The following CTDP1 variants were observed in gnomAD, a reference collection of about 807,000 sequenced individuals.
CTDP1 encodes the protein CTD phosphatase 1.
A neutral mutation model predicts 91.8 loss-of-function variants in CTDP1; 47 were observed. That is an observed-to-expected ratio of 0.51 (90% confidence interval 0.41 to 0.65). The LOEUF (loss-of-function observed/expected upper bound fraction) is 0.65. Among genes scored for constraint, CTDP1 ranks in the 30% least tolerant of loss-of-function variants. The pLI is 0.00. For missense variants in CTDP1, 1,272 were observed against 1,373.7 expected, an observed-to-expected ratio of 0.93 and a Z score of 1.17; for synonymous variants, 656 against 598.5, an observed-to-expected ratio of 1.10 and a Z score of -1.40.
intron 12 of CTDP1, among the ~76,000 whole-genome samples, chr18:79,745,455 C>G (rs866132352): frequency 8.9e-4 from 1 of 1,120 alleles, no homozygotes; most frequent in Admixed American, 7.9e-3. Flanking sequence ...CGCGTTCTGT[C>G]CCCGCGTCCC....
intron 3 of CTDP1, among the ~76,000 whole-genome samples, chr18:79,697,381 C>T (rs1271780120): frequency 4.6e-5 from 7 of 152,292 alleles, no homozygotes; most frequent in South Asian, 2.1e-4. Flanking sequence ...AGGGACACCC[C>T]GATGCGCTGT....
intron 6 of CTDP1, among the ~76,000 whole-genome samples, 175 bp downstream of exon 6, chr18:79,710,611 C>T (rs1020406468): frequency 6.6e-6 from 1 of 151,654 alleles, no homozygotes; most frequent in Non-Finnish European, 1.5e-5. Context: ...AGCTCTGCTT[C>T]CAGAGTTCAC....
At chr18:79,732,481 A>G (rs1266748937) in intron 11 of CTDP1, among the ~76,000 whole-genome samples, 3 of 98,402 alleles carry the variant, frequency 3.0e-5, no homozygotes, top group African/African-American at 1.2e-4. Context: ...CACGTGAGAC[A>G]TGAGAACTCA....
Position 79,714,884 on chromosome 18 carries a change from A to T in CTDP1, c.1424A>T (p.Asp475Val). The change falls in exon 8 of 13, where the codon GAT (aspartate) becomes GTT (valine). Residue 475 changes from aspartate (D) to valine (V), a missense_variant. Asp to Val is a radical substitution (Grantham distance 152). Coordinates refer to ENST00000613122, the MANE Select transcript of CTDP1 (RefSeq NM_004715.5). The part of the protein sequence containing the change: ...EGTKSSSSAS[D>V]GESEGKRGRQ... ...ACGAAGTCCTCCTCCTCCGCCTCTG[A>T]TGGCGAAAGCGAGGGGAAAAGAGGC... The T allele has an allele frequency of 6.3e-7, 1 of 1,578,590 alleles. No individual in the cohort carries two copies. The highest frequency in any genetic ancestry group is 8.6e-7 in the Non-Finnish European group (1 of 1,162,826).
intron 12 of CTDP1, among the ~76,000 whole-genome samples, chr18:79,753,431 T>C (rs1037453709): frequency 6.6e-6 from 1 of 152,234 alleles, no homozygotes; most frequent in Admixed American, 6.5e-5. Context: ...AGTGGTGTCC[T>C]GGTGTGTAAC....
At chr18:79,738,214 C>G (rs1045588911) in intron 12 of CTDP1, among the ~76,000 whole-genome samples, 2 of 152,218 alleles carry the variant, frequency 1.3e-5, no homozygotes, top group African/African-American at 4.8e-5. Flanking sequence ...TTTAGAAGCA[C>G]GGCTCCCGTC....
chr18:79,708,018 A>T (rs1187974719), intron 5 of CTDP1, among the ~76,000 whole-genome samples: 1 of 152,228 alleles, frequency 6.6e-6, no homozygotes, highest in Non-Finnish European at 1.5e-5. Context: ...GATCATCTGG[A>T]ATTTACGCAT....
At position 79,692,906 on chromosome 18, in the gene CTDP1, A is replaced by G. The variant is rs182941543; in HGVS notation, c.315-2319A>G. Among the ~76,000 whole-genome samples, 1,245 of 152,370 alleles carry G rather than the reference A, an allele frequency of 8.2e-3. 13 individuals carry two copies. Among genetic ancestry groups the G allele is most frequent in the African/African-American group, 0.028 (1,176 of 41,586 alleles). ...GCCTGTTAGAGGGGCTGGGGCTCCC[A>G]AGTGGGGTTGCTGCCAGGACTGGGG... On this transcript the variant is annotated intron_variant, in intron 1 of 12. Coordinates refer to ENST00000613122, the MANE Select transcript of CTDP1 (RefSeq NM_004715.5).
At position 79,715,287 on chromosome 18, in the gene CTDP1, C is replaced by T. The variant is rs750247555; in HGVS notation, c.1827C>T (p.Asp609=). 1 of 1,610,310 alleles carries T rather than the reference C, an allele frequency of 6.2e-7. No homozygotes were observed. Among genetic ancestry groups the T allele is most frequent in the South Asian group, 1.1e-5 (1 of 90,350 alleles). The change falls in exon 8 of 13, where the codon GAC becomes GAT. Residue 609 remains aspartate, a synonymous_variant. Transcript: ENST00000613122. ...RVHTDYYAKY[D]RYLNKEIEEA... ...ACACTGACTACTATGCCAAGTATGA[C>T]CGCTACCTCAACAAGGAGATCGAGG...
intron 2 of CTDP1, 88 bp downstream of exon 2, chr18:79,695,396 G>T: frequency 8.1e-7 from 1 of 1,231,212 alleles, no homozygotes; most frequent in Non-Finnish European, 1.2e-6. Context: ...TGGGAACACA[G>T]TGAGGCCCTT....
chr18:79,731,677 C>T (rs899745846), intron 11 of CTDP1, among the ~76,000 whole-genome samples: 2 of 152,226 alleles, frequency 1.3e-5, no homozygotes, highest in Admixed American at 6.5e-5. Context: ...CGTCAGTAAG[C>T]GTTCACCTGC....
intron 12 of CTDP1, among the ~76,000 whole-genome samples, chr18:79,747,720 GGC>G: frequency 6.6e-6 from 1 of 152,356 alleles, no homozygotes; most frequent in Non-Finnish European, 1.5e-5. Flanking sequence ...GTGCAGACCT[GGC>G]CACGCCGGCA....
chr18:79,690,179 C>T lies in CTDP1; in HGVS notation c.315-5046C>T, dbSNP rs1363329810. On this transcript the variant is annotated intron_variant, in intron 1 of 12. Transcript: ENST00000613122. ...TAGAAGGAAGGGAGAAGGTTGGACC[C>T]ACCTGGAGGCGATGCTCAGAGGTGA... 3.3e-5 allele frequency among the ~76,000 whole-genome samples: 5 copies of T among 152,334 alleles called. 1 individual carries two copies. The South Asian group carries it at 1.0e-3, about 32-fold the overall frequency.
At position 79,714,583 on chromosome 18, in the gene CTDP1, A is replaced by G; in HGVS notation, c.1123A>G (p.Asn375Asp). ...GCAGGCCCCTGGAGTGGAGCCCAGCAATGGCCTGGAGAAGCCTGCACGGGA... is the reference window on the plus strand; with the variant it reads ...GCAGGCCCCTGGAGTGGAGCCCAGCGATGGCCTGGAGAAGCCTGCACGGGA... ...VTQAPGVEPS[N>D]GLEKPARELN... The change falls in exon 8 of 13, where the codon AAT becomes GAT. Residue 375 changes from asparagine (N) to aspartate (D), a missense_variant. Physicochemically the swap from Asn to Asp is conservative, Grantham distance 23. Transcript: ENST00000613122. 1 of 1,613,088 alleles carries G rather than the reference A, an allele frequency of 6.2e-7. No homozygotes were observed. Among genetic ancestry groups the G allele is most frequent in the Non-Finnish European group, 8.5e-7 (1 of 1,180,014 alleles).
intron 3 of CTDP1, among the ~76,000 whole-genome samples, chr18:79,696,366 C>T (rs2085746936): frequency 6.6e-6 from 1 of 152,190 alleles, no homozygotes. Flanking sequence ...CCAGGCTCAG[C>T]CTGGGTTCCC....
intron 6 of CTDP1, among the ~76,000 whole-genome samples, chr18:79,712,320 C>T (rs964404285): frequency 2.0e-5 from 3 of 152,130 alleles, no homozygotes; most frequent in Non-Finnish European, 2.9e-5. Flanking sequence ...CTGGCTCGGT[C>T]GCCCAGGCTT....
Position 79,733,288 on chromosome 18 carries a change from C to T in CTDP1, c.2581-3067C>T, listed in dbSNP as rs1159864593. Reference sequence around the variant, plus strand: ...GCAGCCTCGGCACAGGACGGGTGTGCGTTTGGTGTGTTTGTGCACAAACAC... The same window carrying T: ...GCAGCCTCGGCACAGGACGGGTGTGTGTTTGGTGTGTTTGTGCACAAACAC... On this transcript the variant is annotated intron_variant, in intron 11 of 12. Coordinates refer to ENST00000613122, the MANE Select transcript of CTDP1 (RefSeq NM_004715.5). 3.3e-5 allele frequency among the ~76,000 whole-genome samples: 5 copies of T among 152,238 alleles called. No homozygotes were observed. In the South Asian group the frequency reaches 8.3e-4, roughly 25 times the overall value.
At position 79,716,419 on chromosome 18, in the gene CTDP1, G is replaced by A. The variant is rs189123132; in HGVS notation, c.2068+891G>A. Among the ~76,000 whole-genome samples, 258 of 152,368 alleles carry A rather than the reference G, an allele frequency of 1.7e-3. 2 individuals carry two copies. Among genetic ancestry groups the A allele is most frequent in the Admixed American group, 5.3e-3 (81 of 15,310 alleles). ...CATTTGAATCAAGGGTAAATGGAAG[G>A]TTCCATCTCAGTGTGAAATAGCCAG... On this transcript the variant is annotated intron_variant, in intron 8 of 12. Coordinates refer to ENST00000613122, the MANE Select transcript of CTDP1 (RefSeq NM_004715.5).
At chr18:79,745,331 T>C (rs2086862760) in intron 12 of CTDP1, among the ~76,000 whole-genome samples, 1 of 102,184 alleles carries the variant, frequency 9.8e-6, no homozygotes, top group African/African-American at 4.7e-5. Flanking sequence ...GTCCCTCCCG[T>C]GCGCGTTCTG....
Sources: allele counts gnomAD v4.1 joint callset (sites outside exome capture counted in the v4.1 genomes callset), GRCh38; gene constraint gnomAD v4.1.1; transcripts MANE v1.5; gene names NCBI Gene and HGNC (gene_info 2026-07-23, HGNC 2026-07-21).